The following VTI1A variants were observed in gnomAD, a reference collection of about 807,000 sequenced individuals.
The protein encoded by VTI1A is vesicle transport through interaction with t-SNAREs 1A.
In VTI1A, 22 loss-of-function variants were observed where a neutral mutation model predicts 34.9. The ratio of observed to expected loss-of-function variants is 0.63; its 90% CI spans 0.45 to 0.90. The LOEUF (loss-of-function observed/expected upper bound fraction) is 0.90. Among genes scored for constraint, VTI1A ranks in the 40% least tolerant of loss-of-function variants. The pLI is 0.00. For synonymous variants in VTI1A, 87 were observed against 97.3 expected (o/e 0.89, Z 0.62); for missense variants, 268 against 275.6 (o/e 0.97, Z 0.20).
At chr10:112,546,159 G>GTA (rs1564821608) in intron 5 of VTI1A, among the ~76,000 whole-genome samples, 6 of 150,200 alleles carry the variant, frequency 4.0e-5, no homozygotes, top group Non-Finnish European at 5.9e-5. Context: ...ATATATGTGT[G>GTA]TATATATATA....
At chr10:112,576,699 A>G (rs931068860) in intron 5 of VTI1A, among the ~76,000 whole-genome samples, 7 of 152,296 alleles carry the variant, frequency 4.6e-5, no homozygotes, top group South Asian at 2.1e-4. Context: ...TAAAAATAAG[A>G]TGTTTTCTGA....
chr10:112,795,125 G>A (rs138601430), intron 7 of VTI1A, among the ~76,000 whole-genome samples: 1 of 152,328 alleles, frequency 6.6e-6, no homozygotes, highest in East Asian at 1.9e-4. Flanking sequence ...ACTACAGCTA[G>A]AAAGCAAGAC....
chr10:112,457,476 T>C (rs118150553), intron 1 of VTI1A, among the ~76,000 whole-genome samples: 2,323 of 152,286 alleles, frequency 0.015, 22 homozygotes, highest in Non-Finnish European at 0.023. Flanking sequence ...ATAAGAGTTA[T>C]AGATATTTTA....
chr10:112,639,434 T>C (rs946446235), intron 5 of VTI1A, among the ~76,000 whole-genome samples: 5 of 152,158 alleles, frequency 3.3e-5, no homozygotes, highest in African/African-American at 9.7e-5. Flanking sequence ...TCAAAACAGG[T>C]AGCTCTTTGA....
intron 5 of VTI1A, among the ~76,000 whole-genome samples, chr10:112,605,365 A>T (rs1845037737): frequency 6.6e-6 from 1 of 152,232 alleles, no homozygotes; most frequent in South Asian, 2.1e-4. Context: ...CAAGTCACCT[A>T]AGAGGTAGAG....
intron 5 of VTI1A, among the ~76,000 whole-genome samples, chr10:112,649,320 TTTTA>T (rs1846921310): frequency 6.6e-6 from 1 of 152,200 alleles, no homozygotes; most frequent in African/African-American, 2.4e-5. Flanking sequence ...AAAAAGAAGT[TTTTA>T]TTTTGTTTTG....
the VTI1A span, chr10:112,827,278 A>G: frequency 1.3e-5 from 2 of 151,722 alleles, no homozygotes; most frequent in Admixed American, 1.3e-4. Flanking sequence ...TTGCAATTTC[A>G]TGGTTCCTAA....
intron 3 of VTI1A, among the ~76,000 whole-genome samples, chr10:112,502,493 G>T (rs1294381583): frequency 7.2e-5 from 11 of 152,148 alleles, no homozygotes; most frequent in Admixed American, 6.6e-4. Flanking sequence ...GAATTGAATG[G>T]TTAACAAATG....
rs541478932 is a variant in VTI1A at position 112,558,751 on chromosome 10, T to A, written c.427+20421T>A. On this transcript the variant is annotated intron_variant, in intron 5 of 7. Transcript: ENST00000393077. ...CATATCTCAATTGAGAGACACACAC[T>A]CTCTCTCGATTTTTCTTTAAGCATT... 2.0e-5 allele frequency among the ~76,000 whole-genome samples: 3 copies of A among 152,268 alleles called. No homozygotes were observed. The East Asian group carries it at 5.8e-4, about 29-fold the overall frequency.
At chr10:112,684,499 C>T (rs944597441) in intron 7 of VTI1A, among the ~76,000 whole-genome samples, 32 of 140,810 alleles carry the variant, frequency 2.3e-4, no homozygotes, top group African/African-American at 8.5e-4. Flanking sequence ...AGTACAGTGG[C>T]GTGATCTTGG....
intron 5 of VTI1A, among the ~76,000 whole-genome samples, chr10:112,578,204 C>T (rs1336382619): frequency 6.6e-6 from 1 of 152,024 alleles, no homozygotes; most frequent in Non-Finnish European, 1.5e-5. Flanking sequence ...GAAGAAATAA[C>T]TGAGGCTCGA....
intron 3 of VTI1A, among the ~76,000 whole-genome samples, chr10:112,490,190 T>G (rs1239498433): frequency 6.6e-6 from 1 of 152,164 alleles, no homozygotes; most frequent in Non-Finnish European, 1.5e-5. Flanking sequence ...ATGGAATCAT[T>G]TTTGCCTTTT....
intron 7 of VTI1A, among the ~76,000 whole-genome samples, chr10:112,766,284 A>G (rs2134015277): frequency 6.6e-6 from 1 of 152,374 alleles, no homozygotes; most frequent in Admixed American, 6.5e-5. Flanking sequence ...GAAATTATAC[A>G]TAAATAAGGT....
intron 2 of VTI1A, among the ~76,000 whole-genome samples, chr10:112,460,915 C>T (rs932213057): frequency 2.0e-5 from 3 of 152,260 alleles, no homozygotes; most frequent in African/African-American, 7.2e-5. Context: ...ATTTAATTTT[C>T]TCAATAACCA....
intron 5 of VTI1A, among the ~76,000 whole-genome samples, chr10:112,591,518 T>TCACACACACACACACACACA (rs61256241): frequency 2.7e-5 from 4 of 150,710 alleles, no homozygotes; most frequent in East Asian, 1.9e-4. Context: ...AGACTCCGTC[T>TCACACACACACACACACACA]CACACACACA....
intron 7 of VTI1A, among the ~76,000 whole-genome samples, chr10:112,714,900 A>T (rs962151653): frequency 6.6e-6 from 1 of 152,236 alleles, no homozygotes; most frequent in Non-Finnish European, 1.5e-5. Context: ...TCAATCTTCC[A>T]TGATGTGCAC....
intron 5 of VTI1A, among the ~76,000 whole-genome samples, chr10:112,639,368 C>G (rs960926059): frequency 6.6e-6 from 1 of 152,170 alleles, no homozygotes; most frequent in African/African-American, 2.4e-5. Flanking sequence ...TTTGATGAAT[C>G]ACATAGACAA....
intron 7 of VTI1A, among the ~76,000 whole-genome samples, chr10:112,782,363 G>C (rs1253107304): frequency 6.6e-6 from 1 of 152,280 alleles, no homozygotes; most frequent in African/African-American, 2.4e-5. Context: ...ATGACGCTTG[G>C]ATCAGGCCAG....
chr10:112,670,881 C>T (rs1366742733), intron 7 of VTI1A, among the ~76,000 whole-genome samples: 5 of 152,170 alleles, frequency 3.3e-5, no homozygotes, highest in African/African-American at 1.2e-4. Flanking sequence ...TGCTTAAGTC[C>T]ACCTGTTCAT....
Sources: allele counts gnomAD v4.1 joint callset (sites outside exome capture counted in the v4.1 genomes callset), GRCh38; gene constraint gnomAD v4.1.1; transcripts MANE v1.5; gene names NCBI Gene and HGNC (gene_info 2026-07-23, HGNC 2026-07-21).